The following RP9 variants were observed in gnomAD, a reference collection of about 807,000 sequenced individuals.
RP9 encodes retinitis pigmentosa 9 protein.
RP9 carries 23 observed loss-of-function variants against 32.6 expected under a neutral mutation model. The ratio of observed to expected loss-of-function variants is 0.71; its 90% CI spans 0.51 to 1.00. RP9 has a LOEUF of 1.00. Among genes scored for constraint, RP9 ranks in the 50% least tolerant of loss-of-function variants. The pLI is 0.00. For synonymous variants in RP9, 94 were observed against 103.6 expected, an observed-to-expected ratio of 0.91 and a Z score of 0.56; for missense variants, 245 against 285.3, an observed-to-expected ratio of 0.86 and a Z score of 1.02.
At position 33,109,158 on chromosome 7, in the gene RP9, C is replaced by T; in HGVS notation, c.152+63G>A. The T allele has an allele frequency of 2.1e-6, 3 of 1,463,382 alleles. No individual in the cohort carries two copies. The South Asian group carries it at 3.8e-5, about 19-fold the overall frequency. 90.6% of individuals were successfully genotyped at this position (1,463,382 alleles called of 1,614,324 possible). On this transcript the variant is annotated intron_variant, in intron 1 of 5. Transcript: ENST00000297157. This position sits in a 1 kb window ranked among gnomAD's most constrained non-coding sequence, Gnocchi z 4.9. ...CCCGGCCTAGCGCCCACCGCGGCGTCCCGCGCCCCGGGCCCCTGGCTTCAG... is the reference window on the plus strand; with the variant it reads ...CCCGGCCTAGCGCCCACCGCGGCGTTCCGCGCCCCGGGCCCCTGGCTTCAG...
At position 33,109,382 on chromosome 7, in the gene RP9, C is replaced by T. The variant is rs1423000901; in HGVS notation, c.-10G>A. ...CAGGCCGGGACGACATGTCAGCCCC[C>T]GCAGCGCCGCTCGGGCAACCCCCGC... On this transcript the variant is annotated 5_prime_UTR_variant, in exon 1 of 6. Coordinates refer to ENST00000297157, the MANE Select transcript of RP9 (RefSeq NM_203288.2). The surrounding 1 kb of genome is among the most constrained non-coding windows in gnomAD (Gnocchi z 4.9). The T allele has an allele frequency of 9.5e-6, 12 of 1,263,432 alleles. No homozygotes were observed. Among genetic ancestry groups the T allele is most frequent in the Non-Finnish European group, 1.1e-5 (11 of 999,416 alleles). 78.3% of individuals were successfully genotyped at this position (1,263,432 alleles called of 1,614,324 possible).
At chr7:33,108,238 A>G (rs189241347) in intron 1 of RP9, among the ~76,000 whole-genome samples, 1 of 152,392 alleles carries the variant, frequency 6.6e-6, no homozygotes, top group East Asian at 1.9e-4. Flanking sequence ...TGCCACACTT[A>G]GAAAAGGTTG....
In RP9 at chr7:33,109,291, G is replaced by A. The variant is rs1788547504; in HGVS notation, c.82C>T (p.Arg28Ter). 1 of 1,482,530 alleles carries A rather than the reference G, an allele frequency of 6.7e-7. No individual in the cohort carries two copies. Among genetic ancestry groups the A allele is most frequent in the Non-Finnish European group, 8.9e-7 (1 of 1,120,802 alleles). The allele number at this position is 1,482,530 out of a possible 1,614,324, so 91.8% of individuals were successfully genotyped here. Residue 28 changes from arginine to a stop codon, truncating the protein, a stop_gained, in exon 1 of 6, where the codon CGA (arginine) becomes TGA (stop). Transcript: ENST00000297157. LOFTEE classifies it high-confidence loss of function. This position sits in a 1 kb window ranked among gnomAD's most constrained non-coding sequence, Gnocchi z 4.9. ...PREPPEQELQ[R>*]RREQKRRRHD... ...CGCCGCCGCTTCTGCTCCCGACGTC[G>A]CTGCAGCTCCTGCTCCGGCGGCTCA...
intron 3 of RP9, among the ~76,000 whole-genome samples, chr7:33,098,843 A>T (rs56176900): frequency 0.5 from 75,905 of 152,102 alleles, 19,225 homozygotes; most frequent in African/African-American, 0.57. Context: ...TGAAGGTAAC[A>T]GCCATAGGAT....
In RP9 at chr7:33,101,601, TAAA is replaced by T. The variant is rs143652426; in HGVS notation, c.153-1043_153-1041del. Among the ~76,000 whole-genome samples, 604 of 144,844 alleles carry T rather than the reference TAAA, an allele frequency of 4.2e-3. 7 individuals are homozygous for T. Among genetic ancestry groups the T allele is most frequent in the East Asian group, 0.024 (118 of 4,932 alleles). On this transcript the variant is annotated intron_variant, in intron 1 of 5. Coordinates refer to ENST00000297157, the MANE Select transcript of RP9 (RefSeq NM_203288.2). Reference sequence around the variant, plus strand: ...TGGGAGACAGAGTGAGACTCTGTCTTAAAAAAAAAAAAAAAAATTCATTCTCCC... The same window carrying T: ...TGGGAGACAGAGTGAGACTCTGTCTTAAAAAAAAAAAAAATTCATTCTCCC...
Position 33,109,073 on chromosome 7 carries a change from C to A in RP9, c.152+148G>T. Reference sequence around the variant, plus strand: ...CTTGACCGCGGCGCCCGACATCGGTCGCCCGCACCAGGCTCCTGCCGGGCC... The same window carrying A: ...CTTGACCGCGGCGCCCGACATCGGTAGCCCGCACCAGGCTCCTGCCGGGCC... On this transcript the variant is annotated intron_variant, in intron 1 of 5. Transcript: ENST00000297157. This position sits in a 1 kb window ranked among gnomAD's most constrained non-coding sequence, Gnocchi z 4.9. 4 of 1,225,346 alleles carry A rather than the reference C, an allele frequency of 3.3e-6. No homozygotes were observed. Among genetic ancestry groups the A allele is most frequent in the Non-Finnish European group, 4.2e-6 (4 of 960,894 alleles). The allele number at this position is 1,225,346 out of a possible 1,614,324, so 75.9% of individuals were successfully genotyped here.
intron 5 of RP9, 91 bp downstream of exon 5, chr7:33,096,402 G>T: frequency 1.1e-6 from 1 of 887,128 alleles, no homozygotes; most frequent in Non-Finnish European, 1.9e-6. Flanking sequence ...CATGTTTACT[G>T]CACCATTCCT....
At chr7:33,098,239 T>C (rs937142387) in intron 3 of RP9, among the ~76,000 whole-genome samples, 1 of 152,106 alleles carries the variant, frequency 6.6e-6, no homozygotes, top group South Asian at 2.1e-4. Context: ...ACAAAAAAAT[T>C]AGCTAAGCCT....
At chr7:33,099,007 G>A (rs1367794579) in intron 3 of RP9, 2 of 472,932 alleles carry the variant, frequency 4.2e-6, no homozygotes, top group Middle Eastern at 6.3e-4. Context: ...ATTCTGGGTG[G>A]CCTAAACAAC....
chr7:33,107,151 T>A (rs4720101), intron 1 of RP9, among the ~76,000 whole-genome samples: 3,752 of 152,248 alleles, frequency 0.025, 127 homozygotes, highest in East Asian at 0.16. Flanking sequence ...AAATACAATT[T>A]AAAGCTCAAA....
In RP9 at chr7:33,109,304, C is replaced by T. The variant is rs1788547642; in HGVS notation, c.69G>A (p.Glu23=). 2 of 1,471,856 alleles carry T rather than the reference C, an allele frequency of 1.4e-6. No individual in the cohort carries two copies. Among genetic ancestry groups the T allele is most frequent in the Non-Finnish European group, 1.8e-6 (2 of 1,115,916 alleles). 91.2% of individuals were successfully genotyped at this position (1,471,856 alleles called of 1,614,324 possible). A position where few individuals can be genotyped will look rare whatever the true frequency, so the allele number is the denominator to read the frequency against. The change falls in exon 1 of 6, where the codon GAG becomes GAA. Residue 23 remains glutamate (E), a synonymous_variant. Transcript: ENST00000297157. This position sits in a 1 kb window ranked among gnomAD's most constrained non-coding sequence, Gnocchi z 4.9. ...GCTCCCGACGTCGCTGCAGCTCCTGCTCCGGCGGCTCACGCGGCCGCCGCG... is the reference window on the plus strand; with the variant it reads ...GCTCCCGACGTCGCTGCAGCTCCTGTTCCGGCGGCTCACGCGGCCGCCGCG... The part of the protein sequence containing the change: ...AGARRPREPP[E]QELQRRREQK...
chr7:33,098,156 C>T (rs912898932), intron 3 of RP9, among the ~76,000 whole-genome samples: 2 of 151,864 alleles, frequency 1.3e-5, no homozygotes, highest in East Asian at 1.9e-4. Context: ...GAGGCAGAGG[C>T]GGGTAGATCG....
At position 33,107,406 on chromosome 7, in the gene RP9, A is replaced by C. The variant is rs567461996; in HGVS notation, c.152+1815T>G. Among the ~76,000 whole-genome samples, 382 of 152,370 alleles carry C rather than the reference A, an allele frequency of 2.5e-3. 1 individual carries two copies. Among genetic ancestry groups the C allele is most frequent in the Non-Finnish European group, 4.6e-3 (314 of 68,032 alleles). ...GCTCTCTGAGCTACAAATAAGTGGA[A>C]TTAACCATCCTCTAGCATTCTATAG... On this transcript the variant is annotated intron_variant, in intron 1 of 5. Coordinates refer to ENST00000297157, the MANE Select transcript of RP9 (RefSeq NM_203288.2).
At position 33,109,241 on chromosome 7, in the gene RP9, C is replaced by G; in HGVS notation, c.132G>C (p.Gln44His). 1 of 1,496,426 alleles carries G rather than the reference C, an allele frequency of 6.7e-7. No homozygotes were observed. 92.7% of individuals were successfully genotyped at this position (1,496,426 alleles called of 1,614,324 possible). A position where few individuals can be genotyped will look rare whatever the true frequency, so the allele number is the denominator to read the frequency against. Residue 44 changes from glutamine (Q) to histidine (H), a missense_variant, in exon 1 of 6, where the codon CAG (glutamine) becomes CAC (histidine). Around this residue, in one of 2 missense-constraint regions of RP9, gnomAD observed 182 missense variants for 175.5 expected, o/e 1.04. Coordinates refer to ENST00000297157, the MANE Select transcript of RP9 (RefSeq NM_203288.2). The surrounding 1 kb of genome is among the most constrained non-coding windows in gnomAD (Gnocchi z 4.9). ...RRRHDAQQLQ[Q>H]LKHLESFYEK... is the part of the protein sequence containing the mutation. ...CTCACAAGGACTCCAGGTGCTTGAG[C>G]TGCTGCAGCTGCTGCGCGTCGTGTC...
At chr7:33,108,037 CAGGTACTTATAACAGT>C (rs1305690256) in intron 1 of RP9, among the ~76,000 whole-genome samples, 2 of 152,198 alleles carry the variant, frequency 1.3e-5, no homozygotes, top group African/African-American at 4.8e-5. Context: ...GTCTGAGACT[CAGGTACTTATAACAGT>C]AGGTTACAGT....
In RP9 at chr7:33,096,511, C is replaced by T. The variant is rs780856926; in HGVS notation, c.449G>A (p.Arg150Gln). The T allele has an allele frequency of 5.6e-6, 9 of 1,612,456 alleles. No homozygotes were observed. The highest frequency in any genetic ancestry group is 4.4e-5 in the South Asian group (4 of 91,034). ...ACCTCACCTTACGTCCTTTTCATGT[C>T]GTTTATTGTCTCGTATGATGTCATA... Reference protein sequence around the residue: ...PMYDIIRDNKRHEKDVRIQQL... With the variant: ...PMYDIIRDNKQHEKDVRIQQL... Residue 150 changes from arginine (R) to glutamine (Q), a missense_variant, in exon 5 of 6, where the codon CGA becomes CAA. Physicochemically the swap from Arg to Gln is conservative, Grantham distance 43. Around this residue, in one of 2 missense-constraint regions of RP9, gnomAD observed 63 missense variants for 109.8 expected, o/e 0.57. Transcript: ENST00000297157.
At position 33,095,152 on chromosome 7, in the gene RP9, T is replaced by A. The variant is rs943352965; in HGVS notation, c.*82A>T. On this transcript the variant is annotated 3_prime_UTR_variant, in exon 6 of 6. Coordinates refer to ENST00000297157, the MANE Select transcript of RP9 (RefSeq NM_203288.2). Reference sequence around the variant, plus strand: ...ATATACTCCTCTCTCGGCGTCTCTATCCTGCTGCTTTCTCTGACTGCATCT... The same window carrying A: ...ATATACTCCTCTCTCGGCGTCTCTAACCTGCTGCTTTCTCTGACTGCATCT... The A allele has an allele frequency of 3.6e-5, 56 of 1,572,092 alleles. 1 individual carries two copies. In the East Asian group the frequency reaches 9.0e-4, roughly 25 times the overall value.
At position 33,105,149 on chromosome 7, in the gene RP9, T is replaced by C. The variant is rs187527452; in HGVS notation, c.152+4072A>G. Among the ~76,000 whole-genome samples, 560 of 152,224 alleles carry C rather than the reference T, an allele frequency of 3.7e-3. 1 individual carries two copies. The highest frequency in any genetic ancestry group is 6.2e-3 in the Non-Finnish European group (421 of 68,002). On this transcript the variant is annotated intron_variant, in intron 1 of 5. Transcript: ENST00000297157. ...TGGACCAGGTCTAAAAAGTAACCAGTGTACTGAAGGACAACAGATTGAAGA... is the reference window on the plus strand; with the variant it reads ...TGGACCAGGTCTAAAAAGTAACCAGCGTACTGAAGGACAACAGATTGAAGA...
chr7:33,102,167 AAGGGTGGTTC>A (rs1287505721), intron 1 of RP9, among the ~76,000 whole-genome samples: 2 of 152,238 alleles, frequency 1.3e-5, no homozygotes, highest in African/African-American at 4.8e-5. Flanking sequence ...AAGTTTAAAG[AAGGGTGGTTC>A]ATGTTGTTTC....
Sources: gnomAD v4.1 joint callset for allele counts (sites outside exome capture counted in the v4.1 genomes callset) on GRCh38, gnomAD v4.1.1 for gene constraint, gnomAD v4.1.1 regional missense constraint, Gnocchi (gnomAD v3.1) non-coding constraint, MANE v1.5 for transcripts, NCBI Gene and HGNC (gene_info 2026-07-23, HGNC 2026-07-21) for gene names.